Variants in PACRG observed in about 807,000 individuals in gnomAD.
PACRG encodes the protein parkin coregulated, also known as parkin coregulated gene protein.
PACRG carries 29 observed loss-of-function variants against 29.7 expected under a neutral mutation model. That is an observed-to-expected ratio of 0.98 (90% CI 0.73 to 1.33). The LOEUF is 1.33. Among genes scored for constraint, PACRG ranks in the 40% most tolerant of loss-of-function variants. The pLI is 0.00. For missense variants in PACRG, 279 were observed against 316.2 expected (o/e 0.88, Z 0.89); for synonymous variants, 116 against 118.7 (o/e 0.98, Z 0.15).
chr6:163,156,097 T>G (rs537726708), intron 4 of PACRG, among the ~76,000 whole-genome samples: 2 of 152,272 alleles, frequency 1.3e-5, no homozygotes, highest in East Asian at 3.9e-4. Flanking sequence ...TGGGAAAGTT[T>G]CTCCCATCTG....
At chr6:163,036,060 G>A (rs1451796197) in intron 2 of PACRG, among the ~76,000 whole-genome samples, 1 of 152,098 alleles carries the variant, frequency 6.6e-6, no homozygotes, top group Non-Finnish European at 1.5e-5. Flanking sequence ...AAAATGTAAT[G>A]ACATGACTAA....
At chr6:163,111,819 C>T (rs1198724699) in intron 4 of PACRG, among the ~76,000 whole-genome samples, 1 of 152,186 alleles carries the variant, frequency 6.6e-6, no homozygotes, top group Non-Finnish European at 1.5e-5. Flanking sequence ...GACGTGCTTG[C>T]AAGCTTGGGT....
intron 3 of PACRG, among the ~76,000 whole-genome samples, chr6:163,075,933 G>A (rs534404341): frequency 6.6e-6 from 1 of 152,328 alleles, no homozygotes; most frequent in South Asian, 2.1e-4. Context: ...GACCCAGCCT[G>A]ATAGTTGTTG....
chr6:163,051,662 C>T (rs1227076989), intron 2 of PACRG: 3 of 152,136 alleles, frequency 2.0e-5, no homozygotes, highest in Admixed American at 6.6e-5. Flanking sequence ...GCGGGAGTCT[C>T]GGATTAGTTC....
intron 2 of PACRG, among the ~76,000 whole-genome samples, chr6:162,947,374 A>ATATCATATATG (rs1562765906): frequency 4.8e-5 from 5 of 103,954 alleles, no homozygotes; most frequent in African/African-American, 1.5e-4. Context: ...AATCATATAT[A>ATATCATATATG]ATCATATATA....
intron 1 of PACRG, among the ~76,000 whole-genome samples, chr6:162,794,404 T>C (rs1486889688): frequency 1.3e-5 from 2 of 152,216 alleles, no homozygotes; most frequent in Non-Finnish European, 2.9e-5. Flanking sequence ...GGCTTACCTT[T>C]TAATTTTTTA....
At chr6:162,767,802 C>G (rs1782915657) in intron 1 of PACRG, among the ~76,000 whole-genome samples, 1 of 151,806 alleles carries the variant, frequency 6.6e-6, no homozygotes, top group East Asian at 1.9e-4. Flanking sequence ...TTAATACATG[C>G]TATTTCTATT....
intron 2 of PACRG, among the ~76,000 whole-genome samples, chr6:162,952,003 T>C (rs184853681): frequency 9.2e-5 from 14 of 152,278 alleles, no homozygotes; most frequent in Admixed American, 4.6e-4. Context: ...GCTCTGTGCA[T>C]TTCTCAAGCA....
At chr6:163,005,209 C>T (rs576731625) in intron 2 of PACRG, among the ~76,000 whole-genome samples, 2 of 151,850 alleles carry the variant, frequency 1.3e-5, no homozygotes, top group Admixed American at 6.6e-5. Context: ...TCATTTTTGC[C>T]AGAGGTTTAT....
intron 2 of PACRG, among the ~76,000 whole-genome samples, chr6:163,012,851 G>A (rs1055203320): frequency 1.4e-5 from 2 of 142,988 alleles, no homozygotes; most frequent in African/African-American, 2.6e-5. Context: ...GGTGTAGAGC[G>A]AGTACTCAGT....
At chr6:163,295,022 T>C (rs1001472203) in intron 4 of PACRG, among the ~76,000 whole-genome samples, 5 of 152,182 alleles carry the variant, frequency 3.3e-5, no homozygotes, top group African/African-American at 1.2e-4. Context: ...TCCAAGGTTG[T>C]TGTGGGGATT....
At chr6:162,773,814 A>G (rs1172407439) in intron 1 of PACRG, among the ~76,000 whole-genome samples, 1 of 152,130 alleles carries the variant, frequency 6.6e-6, no homozygotes, top group Non-Finnish European at 1.5e-5. Flanking sequence ...ACCTTATTTT[A>G]GGTCTTTACA....
chr6:163,001,550 G>A (rs1030751488), intron 2 of PACRG, among the ~76,000 whole-genome samples: 4 of 152,160 alleles, frequency 2.6e-5, no homozygotes, highest in Admixed American at 6.5e-5. Flanking sequence ...AGGTCTCTGT[G>A]GGTAACTTCT....
In PACRG at chr6:163,292,010, A is replaced by G. The variant is rs1784626041; in HGVS notation, c.614-22817A>G. Among the ~76,000 whole-genome samples, 4 of 152,184 alleles carry G rather than the reference A, an allele frequency of 2.6e-5. No individual in the cohort carries two copies. The South Asian group carries it at 8.3e-4, about 32-fold the overall frequency. ...TGGTACATTTCTGAAGGTTTTCCCC[A>G]GTGGAGAAATGCAACACGAGCTGAG... On this transcript the variant is annotated intron_variant, in intron 4 of 4. Transcript: ENST00000366888.
chr6:162,916,386 G>A (rs1297862667), intron 2 of PACRG, among the ~76,000 whole-genome samples: 1 of 152,140 alleles, frequency 6.6e-6, no homozygotes, highest in Non-Finnish European at 1.5e-5. Flanking sequence ...GTTATCCTCT[G>A]TGTGATATGT....
At chr6:162,750,089 A>T (rs1280460612) in intron 1 of PACRG, among the ~76,000 whole-genome samples, 1 of 152,196 alleles carries the variant, frequency 6.6e-6, no homozygotes, top group Non-Finnish European at 1.5e-5. Context: ...AGTACTTAAC[A>T]TTTTGCTTCA....
At chr6:163,025,513 G>A (rs765604114) in intron 2 of PACRG, among the ~76,000 whole-genome samples, 1 of 152,138 alleles carries the variant, frequency 6.6e-6, no homozygotes, top group African/African-American at 2.4e-5. Context: ...GAAATACCTA[G>A]AAATACAGCT....
intron 4 of PACRG, among the ~76,000 whole-genome samples, chr6:163,313,593 A>T (rs1785525167): frequency 6.6e-6 from 1 of 152,224 alleles, no homozygotes; most frequent in Admixed American, 6.5e-5. Flanking sequence ...TTATTTTCAC[A>T]TTCAAACAAG....
intron 4 of PACRG, among the ~76,000 whole-genome samples, chr6:163,258,536 T>C (rs1478334163): frequency 1.3e-5 from 2 of 152,084 alleles, no homozygotes; most frequent in African/African-American, 4.8e-5. Context: ...GACGAGCAGA[T>C]CACGAGGTCA....
Sources: gnomAD v4.1 joint callset for allele counts (sites outside exome capture counted in the v4.1 genomes callset) on GRCh38, gnomAD v4.1.1 for gene constraint, MANE v1.5 for transcripts, NCBI Gene and HGNC (gene_info 2026-07-23, HGNC 2026-07-21) for gene names.